Variants in NOL11 observed in about 807,000 individuals in gnomAD.
The protein encoded by NOL11 is nucleolar protein 11.
Under a neutral mutation model 93.0 loss-of-function variants are expected in NOL11, and 42 were observed. The ratio of observed to expected loss-of-function variants is 0.45; its 90% confidence interval spans 0.35 to 0.58. The LOEUF (loss-of-function observed/expected upper bound fraction) is 0.58. Among genes scored for constraint, NOL11 ranks in the 20% least tolerant of loss-of-function variants. The pLI is 0.00. For synonymous variants in NOL11, 296 were observed against 293.7 expected, an observed-to-expected ratio of 1.01 and a Z score of -0.08; for missense variants, 775 against 841.8, an observed-to-expected ratio of 0.92 and a Z score of 0.98.
chr17:67,718,328 AAAAG>A (rs752419716), intron 1 of NOL11, among the ~76,000 whole-genome samples: 3 of 152,182 alleles, frequency 2.0e-5, no homozygotes, highest in Non-Finnish European at 4.4e-5. Context: ...TTAGACTCGG[AAAAG>A]AAAGAAAACC....
At chr17:67,741,252 T>G (rs934837007) in intron 16 of NOL11, among the ~76,000 whole-genome samples, 5 of 152,106 alleles carry the variant, frequency 3.3e-5, no homozygotes, top group African/African-American at 7.2e-5. Flanking sequence ...GTGTTTTTAG[T>G]AGAGATGGGG....
Position 67,736,881 on chromosome 17 carries a change from G to A in NOL11, c.1143+127G>A, listed in dbSNP as rs144989149. 44 of 781,834 alleles carry A rather than the reference G, an allele frequency of 5.6e-5. No individual in the cohort carries two copies. The East Asian group carries it at 6.7e-4, about 12-fold the overall frequency. The allele number at this position is 781,834 out of a possible 1,614,324, so 48.4% of individuals were successfully genotyped here. A position where few individuals can be genotyped will look rare whatever the true frequency, so the allele number is the denominator to read the frequency against. On this transcript the variant is annotated intron_variant, in intron 10 of 17. Coordinates refer to ENST00000253247, the MANE Select transcript of NOL11 (RefSeq NM_015462.5). ...TGACTATAATGACAGGACAGTTTGC[G>A]GCTTGAACCCAGTAACCTCACATTC...
At chr17:67,726,737 T>G (rs2055098255) in intron 7 of NOL11, 89 bp downstream of exon 7, 3 of 932,160 alleles carry the variant, frequency 3.2e-6, no homozygotes, top group Non-Finnish European at 4.6e-6. Context: ...CATTTCGTTA[T>G]TACCCAGACT....
Position 67,733,042 on chromosome 17 carries a change from GAGT to G in NOL11, c.854-1318_854-1316del, listed in dbSNP as rs955460502. On this transcript the variant is annotated intron_variant, in intron 7 of 17. Coordinates refer to ENST00000253247, the MANE Select transcript of NOL11 (RefSeq NM_015462.5). ...CTCTATACAGGATCATGTCATCTGT[GAGT>G]AGAGTTAGTTTTACCTCCATTTAAA... 2.6e-4 allele frequency among the ~76,000 whole-genome samples: 39 copies of G among 152,150 alleles called. 1 individual carries two copies. The highest frequency in any genetic ancestry group is 1.4e-3 in the Admixed American group (21 of 15,272).
rs767099729 is a variant in NOL11 at position 67,743,947 on chromosome 17, G to A, written c.*88G>A. 5.4e-5 allele frequency: 37 copies of A among 685,680 alleles called. No individual in the cohort carries two copies. In the South Asian group the frequency reaches 6.1e-4, roughly 11 times the overall value. The allele number at this position is 685,680 out of a possible 1,614,324, so 42.5% of individuals were successfully genotyped here. A position where few individuals can be genotyped will look rare whatever the true frequency, so the allele number is the denominator to read the frequency against. On this transcript the variant is annotated 3_prime_UTR_variant, in exon 18 of 18. Transcript: ENST00000253247. The stretch of plus-strand genomic sequence containing the variant: ...CAGGCAAGAACGGTGTTTTGTTTGC[G>A]ACCATCTCAGTGTCAAGAGAAACGT...
At chr17:67,728,124 G>A (rs1233646252) in intron 7 of NOL11, among the ~76,000 whole-genome samples, 5 of 152,194 alleles carry the variant, frequency 3.3e-5, no homozygotes, top group African/African-American at 1.2e-4. Context: ...GCCGGGTGTG[G>A]TGGTGGGCAC....
chr17:67,724,784 G>A lies in NOL11; in HGVS notation c.664+591G>A, dbSNP rs181307564. Among the ~76,000 whole-genome samples, 28 of 152,276 alleles carry A rather than the reference G, an allele frequency of 1.8e-4. No individual in the cohort carries two copies. The East Asian group carries it at 4.6e-3, about 25-fold the overall frequency. On this transcript the variant is annotated intron_variant, in intron 6 of 17. Coordinates refer to ENST00000253247, the MANE Select transcript of NOL11 (RefSeq NM_015462.5). Reference sequence around the variant, plus strand: ...TCTTAAAATTTACCATAAGCTGGCCGGGCATTGTTCACGCCTGTAATCGCA... The same window carrying A: ...TCTTAAAATTTACCATAAGCTGGCCAGGCATTGTTCACGCCTGTAATCGCA...
chr17:67,739,618 T>A lies in NOL11; in HGVS notation c.1935+10T>A, dbSNP rs775032445. 6.6e-7 allele frequency: 1 copy of A among 1,513,140 alleles called. No individual in the cohort carries two copies. The highest frequency in any genetic ancestry group is 2.0e-5 in the Admixed American group (1 of 50,250). The allele number at this position is 1,513,140 out of a possible 1,614,324, so 93.7% of individuals were successfully genotyped here. A position where few individuals can be genotyped will look rare whatever the true frequency, so the allele number is the denominator to read the frequency against. ...ACCTACCTTGAACCAGGTGAGATTA[T>A]TTTTTTACTTTGATTTGGTGCTGGG... is the stretch of plus-strand genomic sequence containing the variant. On this transcript the variant is annotated intron_variant, in intron 16 of 17. Coordinates refer to ENST00000253247, the MANE Select transcript of NOL11 (RefSeq NM_015462.5).
At position 67,737,018 on chromosome 17, in the gene NOL11, G is replaced by A. The variant is rs975937854; in HGVS notation, c.1144-53G>A. On this transcript the variant is annotated intron_variant, in intron 10 of 17. Coordinates refer to ENST00000253247, the MANE Select transcript of NOL11 (RefSeq NM_015462.5). ...GAGTGTTTCATATCCCTCTAAATGT[G>A]TATTGGATCTCTTATATTGTTTTGT... 4.6e-5 allele frequency: 53 copies of A among 1,156,668 alleles called. No homozygotes were observed. The East Asian group carries it at 5.4e-4, about 12-fold the overall frequency. The allele number at this position is 1,156,668 out of a possible 1,614,324, so 71.7% of individuals were successfully genotyped here.
intron 11 of NOL11, 100 bp downstream of exon 11, chr17:67,737,245 C>A: frequency 1.3e-6 from 1 of 787,322 alleles, no homozygotes; most frequent in South Asian, 1.6e-5. Context: ...CATCTTTATA[C>A]CTATAGCTAA....
chr17:67,739,607 A>C lies in NOL11; in HGVS notation c.1934A>C (p.Gln645Pro). 2 of 1,561,194 alleles carry C rather than the reference A, an allele frequency of 1.3e-6. No homozygotes were observed. Among genetic ancestry groups the C allele is most frequent in the Non-Finnish European group, 1.7e-6 (2 of 1,150,102 alleles). Reference protein sequence around the residue: ...LPGIHPPTLNQIMDWICLLLD... With the variant: ...LPGIHPPTLNPIMDWICLLLD... The stretch of plus-strand genomic sequence containing the variant: ...GGAATACACCCACCTACCTTGAACC[A>C]GGTGAGATTATTTTTTTACTTTGAT... The change falls in exon 16 of 18, where the codon CAG becomes CCG. Residue 645 changes from glutamine (Q) to proline (P), a missense_variant and splice_region_variant. Physicochemically the swap from Gln to Pro is moderately conservative, Grantham distance 76. This residue lies in a region of NOL11 where 416 missense variants were observed against 525.2 expected (regional missense o/e 0.79). Coordinates refer to ENST00000253247, the MANE Select transcript of NOL11 (RefSeq NM_015462.5).
intron 9 of NOL11, 116 bp from the exon 10 acceptor site, chr17:67,736,550 T>C (rs905381918): frequency 1.8e-5 from 12 of 653,470 alleles, no homozygotes; most frequent in Non-Finnish European, 2.7e-5. Context: ...TTACATGGAC[T>C]TCAAAGCCTC....
chr17:67,725,996 G>C (rs970115465), intron 6 of NOL11, among the ~76,000 whole-genome samples: 1 of 152,110 alleles, frequency 6.6e-6, no homozygotes, highest in Non-Finnish European at 1.5e-5. Flanking sequence ...GTGAAAGATA[G>C]ATCACTTGAG....
At chr17:67,736,780 C>T (rs2055206132) in intron 10 of NOL11, 26 bp downstream of exon 10, 2 of 1,458,416 alleles carry the variant, frequency 1.4e-6, no homozygotes, top group East Asian at 2.3e-5. Context: ...GAAATTGAAA[C>T]ATTAGTGCAA....
chr17:67,744,152 T>C lies in NOL11; in HGVS notation c.*293T>C, dbSNP rs188173265. The C allele has an allele frequency of 1.8e-3, 301 of 168,284 alleles. No homozygotes were observed. The highest frequency in any genetic ancestry group is 6.9e-3 in the African/African-American group (293 of 42,270). 10.4% of individuals were successfully genotyped at this position (168,284 alleles called of 1,614,324 possible). The stretch of plus-strand genomic sequence containing the variant: ...GTATTGATAAAAGTCTAATTTCTTA[T>C]CATGTGTTTTGAATTTTTTCTTTTA... On this transcript the variant is annotated 3_prime_UTR_variant, in exon 18 of 18. Transcript: ENST00000253247.
At chr17:67,723,241 A>G (rs998799180) in intron 5 of NOL11, among the ~76,000 whole-genome samples, 1 of 151,438 alleles carries the variant, frequency 6.6e-6, no homozygotes, top group Non-Finnish European at 1.5e-5. Context: ...TGAACTCCCA[A>G]CCTCAGGTGA....
chr17:67,743,730 CTCTTT>C lies in NOL11; in HGVS notation c.2044-7_2044-3del. 2 of 1,418,294 alleles carry C rather than the reference CTCTTT, an allele frequency of 1.4e-6. No homozygotes were observed. The highest frequency in any genetic ancestry group is 1.9e-6 in the Non-Finnish European group (2 of 1,043,602). 87.9% of individuals were successfully genotyped at this position (1,418,294 alleles called of 1,614,324 possible). A position where few individuals can be genotyped will look rare whatever the true frequency, so the allele number is the denominator to read the frequency against. On this transcript the variant is annotated splice_polypyrimidine_tract_variant and splice_region_variant and intron_variant, in intron 17 of 17. Coordinates refer to ENST00000253247, the MANE Select transcript of NOL11 (RefSeq NM_015462.5). The stretch of plus-strand genomic sequence containing the variant: ...CATTATGGTAAAAGTTACTCTGAAA[CTCTTT>C]TCTTTAGATATCTGTTTATTCTGAG...
At chr17:67,732,074 A>G (rs2055158782) in intron 7 of NOL11, among the ~76,000 whole-genome samples, 1 of 152,246 alleles carries the variant, frequency 6.6e-6, no homozygotes, top group South Asian at 2.1e-4. Context: ...TTGCCATCTT[A>G]ATATTAAGTC....
intron 1 of NOL11, among the ~76,000 whole-genome samples, chr17:67,718,939 A>G (rs553862156): frequency 5.3e-5 from 8 of 152,372 alleles, no homozygotes; most frequent in Admixed American, 3.3e-4. Context: ...TTGGATAGAC[A>G]TGATCCCAGA....
Sources: gnomAD v4.1 joint callset for allele counts (sites outside exome capture counted in the v4.1 genomes callset) on GRCh38, gnomAD v4.1.1 for gene constraint, gnomAD v4.1.1 regional missense constraint, MANE v1.5 for transcripts, NCBI Gene and HGNC (gene_info 2026-07-23, HGNC 2026-07-21) for gene names.